The following PSMB7 variants were observed in gnomAD, a reference collection of about 807,000 sequenced individuals.
PSMB7 encodes the protein proteasome 20S subunit beta 7.
Under a neutral mutation model 28.1 loss-of-function variants are expected in PSMB7, and 5 were observed. That is an observed-to-expected ratio of 0.18 (90% CI 0.09 to 0.37). The LOEUF is 0.37. PSMB7 is among the 10% of genes least tolerant of loss of function. The pLI, the probability that PSMB7 is intolerant of heterozygous loss-of-function variation, is 1.00. For synonymous variants in PSMB7, 122 were observed against 123.7 expected, an observed-to-expected ratio of 0.99 and a Z score of 0.09; for missense variants, 275 against 346.2, an observed-to-expected ratio of 0.79 and a Z score of 1.63.
chr9:124,370,381 T>C (rs1178579618), intron 6 of PSMB7, among the ~76,000 whole-genome samples: 1 of 151,696 alleles, frequency 6.6e-6, no homozygotes, highest in African/African-American at 2.4e-5. Context: ...AAACCTGTCA[T>C]AAAGGTAGTA....
chr9:124,379,669 C>G (rs888046344), intron 6 of PSMB7, among the ~76,000 whole-genome samples: 1 of 152,178 alleles, frequency 6.6e-6, no homozygotes, highest in Non-Finnish European at 1.5e-5. Flanking sequence ...TCTGCTTTTT[C>G]GGCCTATAAT....
chr9:124,372,653 C>T (rs1830574340), intron 6 of PSMB7, among the ~76,000 whole-genome samples: 1 of 152,198 alleles, frequency 6.6e-6, no homozygotes, highest in African/African-American at 2.4e-5. Flanking sequence ...TTCAACCCTT[C>T]CCCAAAATAT....
chr9:124,362,455 G>A (rs942276154), intron 6 of PSMB7, among the ~76,000 whole-genome samples: 3 of 152,180 alleles, frequency 2.0e-5, no homozygotes, highest in Non-Finnish European at 2.9e-5. Flanking sequence ...ATGGCATCAC[G>A]GCGGAATCCT....
chr9:124,388,469 T>C (rs1039440014), intron 5 of PSMB7, among the ~76,000 whole-genome samples: 15 of 152,192 alleles, frequency 9.9e-5, no homozygotes, highest in Admixed American at 7.9e-4. Context: ...ACCCGCCAGG[T>C]GCCATGCGGC....
At chr9:124,382,175 G>A (rs1370353621) in intron 6 of PSMB7, among the ~76,000 whole-genome samples, 24 of 141,694 alleles carry the variant, frequency 1.7e-4, no homozygotes, top group African/African-American at 5.9e-4. Flanking sequence ...ATGACAGAGT[G>A]AGACTCTGTC....
At chr9:124,384,503 A>ACAAGCTCGGGAGG (rs1447360599) in intron 6 of PSMB7, 95 bp downstream of exon 6, 1 of 1,178,842 alleles carries the variant, frequency 8.5e-7, no homozygotes, top group Non-Finnish European at 1.2e-6. Context: ...ACAGTGCTGT[A>ACAAGCTCGGGAGG]CAAGCTCGGG....
At chr9:124,396,275 A>G (rs1830842417) in intron 5 of PSMB7, among the ~76,000 whole-genome samples, 1 of 148,318 alleles carries the variant, frequency 6.7e-6, no homozygotes, top group Admixed American at 6.7e-5. Flanking sequence ...TTGAGTATAA[A>G]AATACAGAAA....
rs541152847 is a variant in PSMB7 at position 124,412,292 on chromosome 9, G to GA, written c.395+59dup. ...GCTACTTTCCAGGCTTCTCTTGGCT[G>GA]AAAAAAATCTAAGATATGAGAAGAA... On this transcript the variant is annotated intron_variant, in intron 4 of 7. Coordinates refer to ENST00000259457, the MANE Select transcript of PSMB7 (RefSeq NM_002799.4). The GA allele has an allele frequency of 9.2e-4, 1,400 of 1,523,626 alleles. 1 individual carries two copies. Among genetic ancestry groups the GA allele is most frequent in the Non-Finnish European group, 1.2e-3 (1,285 of 1,112,512 alleles). 94.4% of individuals were successfully genotyped at this position (1,523,626 alleles called of 1,614,324 possible).
chr9:124,361,941 C>T lies in PSMB7; in HGVS notation c.571-5026G>A, dbSNP rs148266933. Among the ~76,000 whole-genome samples, 1,215 of 152,320 alleles carry T rather than the reference C, an allele frequency of 8.0e-3. 14 individuals are homozygous for T. The highest frequency in any genetic ancestry group is 0.029 in the South Asian group (140 of 4,826). Reference sequence around the variant, plus strand: ...AGTGATTTTTAGATTGGGAATGTCACCAGAGAAAAATGTAGCTGTGCCAGC... The same window carrying T: ...AGTGATTTTTAGATTGGGAATGTCATCAGAGAAAAATGTAGCTGTGCCAGC... On this transcript the variant is annotated intron_variant, in intron 6 of 7. Coordinates refer to ENST00000259457, the MANE Select transcript of PSMB7 (RefSeq NM_002799.4).
At chr9:124,373,626 G>A (rs543977092) in intron 6 of PSMB7, among the ~76,000 whole-genome samples, 1 of 152,244 alleles carries the variant, frequency 6.6e-6, no homozygotes, top group East Asian at 1.9e-4. Context: ...CGTTTCCATA[G>A]TTGCACTAGT....
At chr9:124,375,472 A>T (rs1175813142) in intron 6 of PSMB7, among the ~76,000 whole-genome samples, 1 of 152,166 alleles carries the variant, frequency 6.6e-6, no homozygotes, top group African/African-American at 2.4e-5. Context: ...CCTAGCATAA[A>T]TCCTTAAAAG....
At chr9:124,354,483 G>A (rs760014982) in intron 7 of PSMB7, among the ~76,000 whole-genome samples, 1 of 152,188 alleles carries the variant, frequency 6.6e-6, no homozygotes, top group African/African-American at 2.4e-5. Flanking sequence ...TTCAGGAACT[G>A]CCAGAAGGCT....
At chr9:124,374,893 G>C (rs571032798) in intron 6 of PSMB7, among the ~76,000 whole-genome samples, 1 of 152,290 alleles carries the variant, frequency 6.6e-6, no homozygotes, top group East Asian at 1.9e-4. Flanking sequence ...CGTAATCCCA[G>C]CACTTTAGGA....
chr9:124,414,084 A>G, intron 2 of PSMB7, 79 bp from the exon 3 acceptor site: 1 of 880,418 alleles, frequency 1.1e-6, no homozygotes, highest in African/African-American at 1.7e-5. Context: ...AGGGAATACT[A>G]TGTTGGCCAT....
chr9:124,397,808 G>C (rs1443913490), intron 5 of PSMB7, among the ~76,000 whole-genome samples: 1 of 152,158 alleles, frequency 6.6e-6, no homozygotes, highest in Non-Finnish European at 1.5e-5. Context: ...CATTTAGGAG[G>C]ACCTTCTATT....
chr9:124,364,501 A>G (rs1830489473), intron 6 of PSMB7, among the ~76,000 whole-genome samples: 1 of 148,704 alleles, frequency 6.7e-6, no homozygotes, highest in Non-Finnish European at 1.5e-5. Flanking sequence ...TTCCAAGGCT[A>G]CACTGAATCA....
Position 124,353,713 on chromosome 9 carries a change from G to T in PSMB7, c.723-4C>A. The T allele has an allele frequency of 1.9e-6, 3 of 1,603,322 alleles. No individual in the cohort carries two copies. Among genetic ancestry groups the T allele is most frequent in the Non-Finnish European group, 2.6e-6 (3 of 1,170,204 alleles). ...CTCACACCTGTACCGGCCAAGCCTAGTAAGAGAAAAACAAAAGCACAGAGT... is the reference window on the plus strand; with the variant it reads ...CTCACACCTGTACCGGCCAAGCCTATTAAGAGAAAAACAAAAGCACAGAGT... On this transcript the variant is annotated splice_polypyrimidine_tract_variant and splice_region_variant and intron_variant, in intron 7 of 7. Coordinates refer to ENST00000259457, the MANE Select transcript of PSMB7 (RefSeq NM_002799.4).
At chr9:124,373,600 A>C (rs1198405581) in intron 6 of PSMB7, among the ~76,000 whole-genome samples, 1 of 152,220 alleles carries the variant, frequency 6.6e-6, no homozygotes, top group Non-Finnish European at 1.5e-5. Flanking sequence ...CAAATGTTTC[A>C]ATTGTCCCAT....
intron 6 of PSMB7, among the ~76,000 whole-genome samples, chr9:124,365,823 G>A (rs1426859452): frequency 6.6e-6 from 1 of 152,190 alleles, no homozygotes; most frequent in Non-Finnish European, 1.5e-5. Flanking sequence ...GCTGAGGCAG[G>A]AGGATTACTT....
Sources: gnomAD v4.1 joint callset for allele counts (sites outside exome capture counted in the v4.1 genomes callset) on GRCh38, gnomAD v4.1.1 for gene constraint, MANE v1.5 for transcripts, NCBI Gene and HGNC (gene_info 2026-07-23, HGNC 2026-07-21) for gene names.